KCNH5: variants seen among roughly 807,000 people sequenced by gnomAD.
KCNH5 encodes the protein voltage-gated delayed rectifier potassium channel KCNH5.
In KCNH5, 46 loss-of-function variants were observed where a neutral mutation model predicts 96.1. That is an observed-to-expected ratio of 0.48 (90% CI 0.38 to 0.61). The LOEUF (loss-of-function observed/expected upper bound fraction) is 0.61. Among genes scored for constraint, KCNH5 ranks in the 20% least tolerant of loss-of-function variants. The pLI is 0.00. For missense variants in KCNH5, 907 were observed against 1,225.8 expected (o/e 0.74, Z 3.88); for synonymous variants, 439 against 449.8 (o/e 0.98, Z 0.30).
intron 7 of KCNH5, among the ~76,000 whole-genome samples, chr14:62,892,989 C>T (rs1019907251): frequency 5.3e-5 from 8 of 152,098 alleles, no homozygotes; most frequent in Non-Finnish European, 1.2e-4. Context: ...CATTCTGCAG[C>T]CCATGGATCA....
At chr14:62,880,018 A>G (rs1888460767) in intron 7 of KCNH5, among the ~76,000 whole-genome samples, 1 of 152,188 alleles carries the variant, frequency 6.6e-6, no homozygotes, top group Admixed American at 6.6e-5. Flanking sequence ...TTTAATACAT[A>G]TATGCTTCAA....
At position 63,045,269 on chromosome 14, in the gene KCNH5, A is replaced by C; in HGVS notation, c.-83T>G. On this transcript the variant is annotated 5_prime_UTR_variant, in exon 1 of 11. Transcript: ENST00000322893. ...AAGAAGGTGGAGGAAGAGGAGGAAA[A>C]GGTGGAAGAGAAGATTGAGCCGAAA... is the stretch of plus-strand genomic sequence containing the variant. 9.0e-7 allele frequency: 1 copy of C among 1,107,036 alleles called. No individual in the cohort carries two copies. The highest frequency in any genetic ancestry group is 1.4e-6 in the Non-Finnish European group (1 of 733,598). 68.6% of individuals were successfully genotyped at this position (1,107,036 alleles called of 1,614,324 possible).
chr14:62,715,096 G>C (rs1884655876), intron 10 of KCNH5, among the ~76,000 whole-genome samples: 1 of 152,104 alleles, frequency 6.6e-6, no homozygotes, highest in South Asian at 2.1e-4. Flanking sequence ...AACTTAACAG[G>C]GAACATGGCC....
At chr14:62,906,798 C>G (rs1214133354) in intron 7 of KCNH5, among the ~76,000 whole-genome samples, 1 of 152,026 alleles carries the variant, frequency 6.6e-6, no homozygotes, top group African/African-American at 2.4e-5. Flanking sequence ...TATTCTTTCT[C>G]ATTCCACTTT....
chr14:62,713,486 G>A (rs6573457), intron 10 of KCNH5, among the ~76,000 whole-genome samples: 139,408 of 152,264 alleles, frequency 0.92, 64,902 homozygotes, highest in East Asian at 1. Flanking sequence ...CAAGGATGCA[G>A]TAATATCCAC....
intron 10 of KCNH5, among the ~76,000 whole-genome samples, chr14:62,760,807 T>C (rs1034605826): frequency 6.6e-6 from 1 of 152,172 alleles, no homozygotes; most frequent in African/African-American, 2.4e-5. Context: ...GAAATGCACC[T>C]CCCAGCTGGG....
intron 7 of KCNH5, among the ~76,000 whole-genome samples, chr14:62,932,874 C>G (rs1478777099): frequency 6.6e-6 from 1 of 152,094 alleles, no homozygotes. Flanking sequence ...TAAATCTCTA[C>G]CCAGACAAGC....
chr14:62,917,524 T>C (rs1453064738), intron 7 of KCNH5, among the ~76,000 whole-genome samples: 2 of 152,154 alleles, frequency 1.3e-5, no homozygotes, highest in Admixed American at 6.5e-5. Flanking sequence ...ATGAGAAATT[T>C]ATCTGCACCA....
At position 62,935,636 on chromosome 14, in the gene KCNH5, C is replaced by T. The variant is rs1047585224; in HGVS notation, c.1369+14497G>A. 3.3e-5 allele frequency among the ~76,000 whole-genome samples: 5 copies of T among 152,162 alleles called. No homozygotes were observed. The South Asian group carries it at 6.2e-4, about 19-fold the overall frequency. On this transcript the variant is annotated intron_variant, in intron 7 of 10. Transcript: ENST00000322893. ...CTCCTTCCCACCCCTGCCTGCCAAGCGGCAGCCCATGCTCCAGACGTCTTC... is the reference window on the plus strand; with the variant it reads ...CTCCTTCCCACCCCTGCCTGCCAAGTGGCAGCCCATGCTCCAGACGTCTTC...
chr14:62,918,421 T>C (rs1178157046), intron 7 of KCNH5, among the ~76,000 whole-genome samples: 1 of 152,096 alleles, frequency 6.6e-6, no homozygotes, highest in Non-Finnish European at 1.5e-5. Flanking sequence ...AAATAGTTAC[T>C]AAAATAGGAC....
chr14:62,983,781 T>C (rs1176122430), intron 5 of KCNH5, among the ~76,000 whole-genome samples: 1 of 152,192 alleles, frequency 6.6e-6, no homozygotes, highest in Non-Finnish European at 1.5e-5. Flanking sequence ...TTGTTTGGGT[T>C]CTCAGAGAAT....
At chr14:62,730,237 T>C (rs1885021031) in intron 10 of KCNH5, among the ~76,000 whole-genome samples, 1 of 152,142 alleles carries the variant, frequency 6.6e-6, no homozygotes, top group African/African-American at 2.4e-5. Context: ...AAAATGAAAA[T>C]ACAGTTTTAG....
chr14:63,005,775 G>T (rs1891113586), intron 3 of KCNH5, among the ~76,000 whole-genome samples: 1 of 152,032 alleles, frequency 6.6e-6, no homozygotes, highest in Non-Finnish European at 1.5e-5. Context: ...ATTATATAAT[G>T]CATACCTTAC....
intron 7 of KCNH5, among the ~76,000 whole-genome samples, chr14:62,892,184 T>C (rs10143966): frequency 0.13 from 19,142 of 152,284 alleles, 1,394 homozygotes; most frequent in East Asian, 0.27. Flanking sequence ...GGAAAAGTTC[T>C]TGAAGAACTA....
In KCNH5 at chr14:62,783,275, T is replaced by C. The variant is rs1595620561; in HGVS notation, c.1823-3351A>G. ...AGGTCCTCTCTGCGTTATGGAACAA[T>C]GTATGGTTTTTATTTTGTCTTATAA... On this transcript the variant is annotated intron_variant, in intron 9 of 10. Coordinates refer to ENST00000322893, the MANE Select transcript of KCNH5 (RefSeq NM_139318.5). Among the ~76,000 whole-genome samples the C allele has an allele frequency of 4.6e-5, 7 of 152,246 alleles. No individual in the cohort carries two copies. In the South Asian group the frequency reaches 6.2e-4, roughly 14 times the overall value.
intron 10 of KCNH5, among the ~76,000 whole-genome samples, chr14:62,745,203 T>C (rs1269200500): frequency 6.6e-6 from 1 of 152,164 alleles, no homozygotes; most frequent in African/African-American, 2.4e-5. Flanking sequence ...CATGGCTGGT[T>C]ACTCAGTTTG....
In KCNH5 at chr14:63,044,665, T is replaced by A. The variant is rs185749401; in HGVS notation, c.73+449A>T. 3.8e-3 allele frequency among the ~76,000 whole-genome samples: 574 copies of A among 152,316 alleles called. 13 individuals carry two copies. The highest frequency in any genetic ancestry group is 6.7e-3 in the Admixed American group (102 of 15,304). Reference sequence around the variant, plus strand: ...AGGGCCAAAAGCCTTTCCAGAGATTTAAATCTTGTTAAGTAGCCACTTTCG... The same window carrying A: ...AGGGCCAAAAGCCTTTCCAGAGATTAAAATCTTGTTAAGTAGCCACTTTCG... On this transcript the variant is annotated intron_variant, in intron 1 of 10. Transcript: ENST00000322893.
At chr14:63,003,529 ATATAT>A in intron 3 of KCNH5, among the ~76,000 whole-genome samples, 1 of 106,200 alleles carries the variant, frequency 9.4e-6, no homozygotes, top group South Asian at 2.4e-4. Context: ...TATATTTTAT[ATATAT>A]TATATATTAT....
intron 7 of KCNH5, among the ~76,000 whole-genome samples, chr14:62,920,062 G>T (rs1356172266): frequency 6.6e-6 from 1 of 152,068 alleles, no homozygotes; most frequent in African/African-American, 2.4e-5. Context: ...GGGGGAACTT[G>T]CCCATCTCCA....
Sources: allele counts gnomAD v4.1 joint callset (sites outside exome capture counted in the v4.1 genomes callset), GRCh38; gene constraint gnomAD v4.1.1; transcripts MANE v1.5; gene names NCBI Gene and HGNC (gene_info 2026-07-23, HGNC 2026-07-21).